RBFOX1: variants seen among roughly 807,000 people sequenced by gnomAD.
The protein encoded by RBFOX1 is RNA binding protein fox-1 homolog 1.
In RBFOX1, 8 loss-of-function variants were observed where a neutral mutation model predicts 57.7. The ratio of observed to expected loss-of-function variants is 0.14; its 90% CI spans 0.08 to 0.25. The LOEUF is 0.25. Among genes scored for constraint, RBFOX1 ranks in the 10% least tolerant of loss-of-function variants. The pLI is 1.00. For missense variants in RBFOX1, 611 were observed against 548.5 expected, an observed-to-expected ratio of 1.11 and a Z score of -1.14; for synonymous variants, 326 against 222.4, an observed-to-expected ratio of 1.47 and a Z score of -4.15.
At chr16:5,716,893 A>T (rs1309973580) in intron 3 of RBFOX1, among the ~76,000 whole-genome samples, 1 of 152,176 alleles carries the variant, frequency 6.6e-6, no homozygotes, top group Non-Finnish European at 1.5e-5. Context: ...CAAGCCTGTC[A>T]TCCCTGGTCA....
intron 4 of RBFOX1, among the ~76,000 whole-genome samples, chr16:5,905,029 G>T (rs1410505284): frequency 6.8e-6 from 1 of 146,396 alleles, no homozygotes; most frequent in Non-Finnish European, 1.5e-5. Context: ...TTCACTGGGT[G>T]AGCCTTAATC....
rs139618005 is a variant in RBFOX1 at position 6,243,996 on chromosome 16, A to G, written c.-126-72999A>G. 9.1e-4 allele frequency among the ~76,000 whole-genome samples: 139 copies of G among 152,240 alleles called. 1 individual carries two copies. Among genetic ancestry groups the G allele is most frequent in the Middle Eastern group, 3.4e-3 (1 of 294 alleles). ...CATTACACTCCTTTAATGAAGTTTT[A>G]GTTGGATTTTCTTGCACATTATCTC... On this transcript the variant is annotated intron_variant, in intron 1 of 15. Transcript: ENST00000550418.
intron 4 of RBFOX1, among the ~76,000 whole-genome samples, chr16:7,076,041 T>C (rs1244379337): frequency 2.6e-5 from 4 of 151,762 alleles, no homozygotes; most frequent in African/African-American, 7.3e-5. Flanking sequence ...CTTGGGCTTT[T>C]TTTTTTTTTC....
At chr16:6,646,869 C>CA (rs1190513591) in intron 2 of RBFOX1, among the ~76,000 whole-genome samples, 1 of 152,066 alleles carries the variant, frequency 6.6e-6, no homozygotes, top group African/African-American at 2.4e-5. Context: ...GCAGAGACTT[C>CA]AGCCATTAAT....
chr16:7,621,147 T>A (rs919549052), intron 10 of RBFOX1, among the ~76,000 whole-genome samples: 2 of 152,194 alleles, frequency 1.3e-5, no homozygotes, highest in African/African-American at 4.8e-5. Flanking sequence ...ATCATCTATA[T>A]ATTGACACCT....
At chr16:7,045,909 C>T (rs934570521) in intron 3 of RBFOX1, among the ~76,000 whole-genome samples, 16 of 152,152 alleles carry the variant, frequency 1.1e-4, no homozygotes, top group Non-Finnish European at 7.4e-5. Context: ...CTGCCCACCT[C>T]GGCCTCCCAA....
intron 2 of RBFOX1, among the ~76,000 whole-genome samples, chr16:6,540,095 C>A (rs923280227): frequency 1.3e-5 from 2 of 152,060 alleles, no homozygotes; most frequent in African/African-American, 4.8e-5. Context: ...AAGCAGGCTG[C>A]CCTCTGTCAG....
chr16:7,314,196 A>G (rs991404604), intron 4 of RBFOX1, among the ~76,000 whole-genome samples: 1 of 152,172 alleles, frequency 6.6e-6, no homozygotes, highest in African/African-American at 2.4e-5. Flanking sequence ...ACCAATTCCA[A>G]TCCCCAAATC....
At chr16:5,553,795 T>A (rs1597499243) in intron 2 of RBFOX1, among the ~76,000 whole-genome samples, 1 of 147,412 alleles carries the variant, frequency 6.8e-6, no homozygotes, top group African/African-American at 2.6e-5. Context: ...TGAAAAAACA[T>A]GTATACTACT....
At chr16:5,690,549 G>A (rs2050643324) in intron 3 of RBFOX1, among the ~76,000 whole-genome samples, 1 of 145,448 alleles carries the variant, frequency 6.9e-6, no homozygotes, top group African/African-American at 2.4e-5. Context: ...CACTTCTGTT[G>A]TGGCCAGTCT....
chr16:5,834,963 C>G (rs2056413199), intron 3 of RBFOX1, among the ~76,000 whole-genome samples: 1 of 152,138 alleles, frequency 6.6e-6, no homozygotes, highest in South Asian at 2.1e-4. Flanking sequence ...ACATTCCCAC[C>G]AACAGTGCGT....
intron 3 of RBFOX1, among the ~76,000 whole-genome samples, chr16:6,681,782 C>A (rs551514065): frequency 1.3e-5 from 2 of 152,124 alleles, no homozygotes; most frequent in Non-Finnish European, 1.5e-5. Flanking sequence ...TCAGTTCTCA[C>A]GTCTGTAATG....
chr16:5,268,800 A>G (rs1596346386), intron 1 of RBFOX1, among the ~76,000 whole-genome samples: 1 of 152,332 alleles, frequency 6.6e-6, no homozygotes, highest in Non-Finnish European at 1.5e-5. Flanking sequence ...TCTATGTAGA[A>G]TTGTTTGGGA....
At chr16:5,286,815 A>G (rs1392582466) in intron 1 of RBFOX1, among the ~76,000 whole-genome samples, 2 of 152,236 alleles carry the variant, frequency 1.3e-5, no homozygotes, top group African/African-American at 4.8e-5. Context: ...ATATGTAGAC[A>G]AGGCATAAAT....
At chr16:5,500,271 G>A (rs562039721) in intron 2 of RBFOX1, among the ~76,000 whole-genome samples, 8 of 144,056 alleles carry the variant, frequency 5.6e-5, no homozygotes, top group East Asian at 2.2e-4. Context: ...TGCCCAGGCC[G>A]GAATGCAGTG....
At chr16:5,914,308 G>T (rs894513094) in intron 4 of RBFOX1, among the ~76,000 whole-genome samples, 2 of 151,904 alleles carry the variant, frequency 1.3e-5, no homozygotes, top group South Asian at 2.1e-4. Flanking sequence ...CCCAATTTTT[G>T]TTGGGTCAGA....
At chr16:7,463,460 C>T (rs185822669) in intron 4 of RBFOX1, among the ~76,000 whole-genome samples, 6 of 152,246 alleles carry the variant, frequency 3.9e-5, no homozygotes, top group East Asian at 3.9e-4. Flanking sequence ...GCCAAGATTG[C>T]GTCACTGCGT....
At chr16:6,379,020 G>C (rs749945786) in intron 2 of RBFOX1, among the ~76,000 whole-genome samples, 51 of 152,160 alleles carry the variant, frequency 3.4e-4, no homozygotes, top group Non-Finnish European at 8.8e-5. Context: ...CACGTGGGAG[G>C]TGAGGAGAAT....
At chr16:7,122,545 A>G (rs2067422030) in intron 4 of RBFOX1, among the ~76,000 whole-genome samples, 1 of 152,202 alleles carries the variant, frequency 6.6e-6, no homozygotes, top group African/African-American at 2.4e-5. Context: ...TAGTAGAGGC[A>G]TAAGATAAAA....
Sources: allele counts gnomAD v4.1 joint callset (sites outside exome capture counted in the v4.1 genomes callset), GRCh38; gene constraint gnomAD v4.1.1; transcripts MANE v1.5; gene names NCBI Gene and HGNC (gene_info 2026-07-23, HGNC 2026-07-21).